ZFPM2: variants seen among roughly 807,000 people sequenced by gnomAD.
ZFPM2 encodes the protein zinc finger protein, FOG family member 2, also known as zinc finger protein ZFPM2.
ZFPM2 carries 20 observed loss-of-function variants against 98.6 expected under a neutral mutation model. The ratio of observed to expected loss-of-function variants is 0.20; its 90% CI spans 0.14 to 0.29. The LOEUF (loss-of-function observed/expected upper bound fraction) is 0.29. ZFPM2 is among the 10% of genes least tolerant of loss of function. ZFPM2 has a pLI of 1.00. For synonymous variants in ZFPM2, 518 were observed against 502.7 expected, an observed-to-expected ratio of 1.03 and a Z score of -0.41; for missense variants, 1,310 against 1,388.6, an observed-to-expected ratio of 0.94 and a Z score of 0.90.
chr8:105,590,091 C>T (rs1252871634), intron 4 of ZFPM2, among the ~76,000 whole-genome samples: 1 of 152,102 alleles, frequency 6.6e-6, no homozygotes, highest in South Asian at 2.1e-4. Flanking sequence ...TTTGAATTAG[C>T]CTCTGAATGG....
At chr8:105,488,002 A>G (rs1183976725) in intron 3 of ZFPM2, among the ~76,000 whole-genome samples, 6 of 151,930 alleles carry the variant, frequency 3.9e-5, no homozygotes, top group Non-Finnish European at 7.4e-5. Flanking sequence ...CAAAATTGAG[A>G]GCGAAGGTGC....
chr8:105,644,676 C>T (rs1030545439), intron 5 of ZFPM2, among the ~76,000 whole-genome samples: 6 of 152,020 alleles, frequency 3.9e-5, no homozygotes, highest in East Asian at 1.9e-4. Context: ...CTCATGATTC[C>T]GGAGACTGGG....
intron 1 of ZFPM2, among the ~76,000 whole-genome samples, chr8:105,374,247 A>T (rs1323508544): frequency 6.6e-6 from 1 of 152,184 alleles, no homozygotes; most frequent in Non-Finnish European, 1.5e-5. Flanking sequence ...AAACTTTTTA[A>T]TAAAGAAAAT....
chr8:105,472,984 C>A (rs1202299990), intron 3 of ZFPM2, among the ~76,000 whole-genome samples: 1 of 150,884 alleles, frequency 6.6e-6, no homozygotes. Context: ...CAGCCTGGAA[C>A]CCTGGGCTAA....
At chr8:105,745,038 C>A (rs1812311223) in intron 5 of ZFPM2, among the ~76,000 whole-genome samples, 1 of 152,164 alleles carries the variant, frequency 6.6e-6, no homozygotes, top group South Asian at 2.1e-4. Flanking sequence ...ACATCACAAG[C>A]TCTAGCTCTT....
chr8:105,745,569 G>T (rs1222189740), intron 5 of ZFPM2, among the ~76,000 whole-genome samples: 1 of 152,036 alleles, frequency 6.6e-6, no homozygotes, highest in East Asian at 1.9e-4. Flanking sequence ...CCCAGAATTT[G>T]TCATTTGTTA....
At chr8:105,777,113 A>G (rs544384781) in intron 5 of ZFPM2, among the ~76,000 whole-genome samples, 1 of 152,290 alleles carries the variant, frequency 6.6e-6, no homozygotes, top group East Asian at 1.9e-4. Context: ...GCTTATGGAA[A>G]AGCATTTGGG....
intron 4 of ZFPM2, among the ~76,000 whole-genome samples, chr8:105,581,855 A>G (rs986509047): frequency 6.6e-6 from 1 of 152,188 alleles, no homozygotes; most frequent in Non-Finnish European, 1.5e-5. Flanking sequence ...TCTATTAATG[A>G]TAATTACTCA....
chr8:105,513,518 C>CAAATGTAG (rs1359536404), intron 3 of ZFPM2, among the ~76,000 whole-genome samples: 1 of 152,136 alleles, frequency 6.6e-6, no homozygotes, highest in African/African-American at 2.4e-5. Flanking sequence ...TAGAATAAGG[C>CAAATGTAG]AAACTGGAGA....
intron 3 of ZFPM2, among the ~76,000 whole-genome samples, chr8:105,478,625 C>T (rs1476035576): frequency 6.6e-6 from 1 of 152,150 alleles, no homozygotes; most frequent in East Asian, 1.9e-4. Context: ...TTCATAAAAT[C>T]TGAGTTAAAT....
At chr8:105,692,567 A>T (rs1327853105) in intron 5 of ZFPM2, among the ~76,000 whole-genome samples, 1 of 152,236 alleles carries the variant, frequency 6.6e-6, no homozygotes, top group Non-Finnish European at 1.5e-5. Flanking sequence ...TTTATGAAGA[A>T]TGCAGAACAT....
At chr8:105,625,715 G>A (rs1295187436) in intron 4 of ZFPM2, among the ~76,000 whole-genome samples, 1 of 151,950 alleles carries the variant, frequency 6.6e-6, no homozygotes, top group Admixed American at 6.6e-5. Flanking sequence ...AAGTAGCTGG[G>A]ATTACAGGTG....
intron 3 of ZFPM2, among the ~76,000 whole-genome samples, chr8:105,488,889 C>G (rs1382157860): frequency 1.3e-5 from 2 of 152,168 alleles, no homozygotes; most frequent in Non-Finnish European, 2.9e-5. Flanking sequence ...GCCATTTTCT[C>G]TCTTAAGGAA....
chr8:105,446,733 T>C lies in ZFPM2; in HGVS notation c.301+2352T>C, dbSNP rs954978848. 2.6e-5 allele frequency among the ~76,000 whole-genome samples: 4 copies of C among 151,992 alleles called. No homozygotes were observed. In the East Asian group the frequency reaches 7.7e-4, roughly 29 times the overall value. On this transcript the variant is annotated intron_variant, in intron 3 of 7. Transcript: ENST00000407775. ...GAAAATATGTATCTCTAAGCAGGTATGGCTACAAAAAAATTTCTTCTTCGT... is the reference window on the plus strand; with the variant it reads ...GAAAATATGTATCTCTAAGCAGGTACGGCTACAAAAAAATTTCTTCTTCGT...
chr8:105,787,513 C>A (rs867998357), intron 5 of ZFPM2: 3 of 152,146 alleles, frequency 2.0e-5, no homozygotes. Flanking sequence ...TGTTCTGATT[C>A]TTCTGTGCAA....
intron 1 of ZFPM2, among the ~76,000 whole-genome samples, chr8:105,371,131 T>G (rs1167684663): frequency 6.6e-6 from 1 of 152,220 alleles, no homozygotes; most frequent in African/African-American, 2.4e-5. Context: ...AAGCCTCTAT[T>G]TAATACTTTT....
At chr8:105,688,563 A>G (rs1810799283) in intron 5 of ZFPM2, among the ~76,000 whole-genome samples, 1 of 152,152 alleles carries the variant, frequency 6.6e-6, no homozygotes, top group Non-Finnish European at 1.5e-5. Flanking sequence ...TGAGCAAGAC[A>G]TTTAACTTTT....
At chr8:105,456,480 T>C (rs1812595576) in intron 3 of ZFPM2, among the ~76,000 whole-genome samples, 1 of 152,174 alleles carries the variant, frequency 6.6e-6, no homozygotes, top group Admixed American at 6.5e-5. Flanking sequence ...TTTAAAACTC[T>C]CTGGTAATTG....
chr8:105,694,944 C>G (rs1342194583), intron 5 of ZFPM2, among the ~76,000 whole-genome samples: 1 of 152,064 alleles, frequency 6.6e-6, no homozygotes, highest in Admixed American at 6.5e-5. Flanking sequence ...CCAGGACAAT[C>G]CATATGACTC....
Sources: allele counts gnomAD v4.1 joint callset (sites outside exome capture counted in the v4.1 genomes callset), GRCh38; gene constraint gnomAD v4.1.1; transcripts MANE v1.5; gene names NCBI Gene and HGNC (gene_info 2026-07-23, HGNC 2026-07-21).